EEFSEC: variants seen among roughly 807,000 people sequenced by gnomAD.
The protein encoded by EEFSEC is selenocysteine-specific elongation factor.
A neutral mutation model predicts 42.1 loss-of-function variants in EEFSEC; 43 were observed. The observed-to-expected ratio is 1.02, with a 90% confidence interval of 0.80 to 1.32. EEFSEC has a LOEUF of 1.32. Ranked by LOEUF, EEFSEC falls within the 40% of genes most tolerant of loss-of-function variation. The pLI is 0.00. For synonymous variants in EEFSEC, 354 were observed against 339.1 expected (o/e 1.04, Z -0.48); for missense variants, 745 against 803.6 (o/e 0.93, Z 0.88).
chr3:128,244,471 CTTTTT>C (rs34606977), intron 1 of EEFSEC, among the ~76,000 whole-genome samples: 1 of 134,514 alleles, frequency 7.4e-6, no homozygotes, highest in African/African-American at 2.8e-5. Flanking sequence ...ATTGGGGAGT[CTTTTT>C]TTTTTTTTTT....
At chr3:128,261,060 G>T (rs931678662) in intron 2 of EEFSEC, among the ~76,000 whole-genome samples, 1 of 152,132 alleles carries the variant, frequency 6.6e-6, no homozygotes, top group African/African-American at 2.4e-5. Flanking sequence ...ATAAGTAATG[G>T]AGGAAAGCAT....
intron 5 of EEFSEC, 130 bp downstream of exon 5, chr3:128,342,019 C>T: frequency 3.1e-6 from 4 of 1,275,136 alleles, no homozygotes; most frequent in Non-Finnish European, 4.2e-6. Context: ...TCTGTAGTTT[C>T]TGTACAAGGC....
intron 6 of EEFSEC, among the ~76,000 whole-genome samples, chr3:128,399,117 A>C (rs1180244975): frequency 1.4e-5 from 2 of 145,750 alleles, no homozygotes; most frequent in Non-Finnish European, 3.0e-5. Flanking sequence ...ATAAAAAAAA[A>C]CCCTTCCATC....
At chr3:128,369,405 C>G (rs1427887456) in intron 6 of EEFSEC, among the ~76,000 whole-genome samples, 1 of 152,242 alleles carries the variant, frequency 6.6e-6, no homozygotes, top group Admixed American at 6.5e-5. Flanking sequence ...CTCCAACCAT[C>G]CAGCTGCTCT....
chr3:128,247,129 G>C, intron 2 of EEFSEC, 86 bp downstream of exon 2: 1 of 1,414,254 alleles, frequency 7.1e-7, no homozygotes, highest in Non-Finnish European at 9.8e-7. Context: ...GAATTGGACA[G>C]GCAGGTGTCA....
Position 128,233,952 on chromosome 3 carries a change from G to A in EEFSEC, c.317-12884G>A, listed in dbSNP as rs74656524. Among the ~76,000 whole-genome samples the A allele has an allele frequency of 7.0e-3, 1,059 of 152,212 alleles. 13 individuals are homozygous for A. Among genetic ancestry groups the A allele is most frequent in the African/African-American group, 0.023 (973 of 41,522 alleles). On this transcript the variant is annotated intron_variant, in intron 1 of 6. Transcript: ENST00000254730. ...AAGATTAATTGAAATAATGTGCCTG[G>A]TGCATTCTTAAGCATGCAATATGTG... is the stretch of plus-strand genomic sequence containing the variant.
intron 5 of EEFSEC, among the ~76,000 whole-genome samples, chr3:128,357,526 G>A (rs948356669): frequency 6.6e-6 from 1 of 152,238 alleles, no homozygotes. Flanking sequence ...AGGTAGGGCT[G>A]TGGAGGAAAA....
rs545918766 is a variant in EEFSEC, at chr3:128,170,633, A to G, written c.316+16810A>G. Among the ~76,000 whole-genome samples, 12 of 152,332 alleles carry G rather than the reference A, an allele frequency of 7.9e-5. No individual in the cohort carries two copies. The East Asian group carries it at 2.3e-3, about 29-fold the overall frequency. ...TCTCAGAAAGAAGGGCATGTTGCCA[A>G]CTTTTGAGGATTTGTCTGAGAAACA... On this transcript the variant is annotated intron_variant, in intron 1 of 6. Transcript: ENST00000254730.
chr3:128,411,291 G>A (rs1027168044), downstream of EEFSEC, among the ~76,000 whole-genome samples: 1 of 152,198 alleles, frequency 6.6e-6, no homozygotes, highest in Non-Finnish European at 1.5e-5. Flanking sequence ...GGGTTCCAGT[G>A]GGCCAAGCTC....
intron 4 of EEFSEC, among the ~76,000 whole-genome samples, chr3:128,278,234 C>A (rs2107960675): frequency 6.6e-6 from 1 of 152,280 alleles, no homozygotes; most frequent in East Asian, 1.9e-4. Context: ...ATAGTCCAGG[C>A]AGATTGAGGT....
chr3:128,153,798 C>T lies in EEFSEC; in HGVS notation c.291C>T (p.Ala97=). ...CGCTGGTCGACTGCCCCGGGCACGC[C>T]TCCCTCATCCGGACCATCATCGGCG... ...QVTLVDCPGH[A]SLIRTIIGGA... The change falls in exon 1 of 7, where the codon GCC becomes GCT. Residue 97 remains alanine, a synonymous_variant. Coordinates refer to ENST00000254730, the MANE Select transcript of EEFSEC (RefSeq NM_021937.5). The T allele has an allele frequency of 6.6e-7, 1 of 1,522,518 alleles. No homozygotes were observed. The highest frequency in any genetic ancestry group is 8.8e-7 in the Non-Finnish European group (1 of 1,141,162). The allele number at this position is 1,522,518 out of a possible 1,614,324, so 94.3% of individuals were successfully genotyped here.
intron 4 of EEFSEC, among the ~76,000 whole-genome samples, chr3:128,328,299 G>A (rs1228935353): frequency 6.6e-6 from 1 of 152,166 alleles, no homozygotes; most frequent in Middle Eastern, 3.2e-3. Flanking sequence ...GGGTGATTCT[G>A]GCTCTAAACA....
In EEFSEC at chr3:128,181,562, G is replaced by T. The variant is rs368462155; in HGVS notation, c.316+27739G>T. Among the ~76,000 whole-genome samples the T allele has an allele frequency of 6.6e-5, 10 of 152,358 alleles. No individual in the cohort carries two copies. The South Asian group carries it at 1.0e-3, about 16-fold the overall frequency. ...TGGAAGTAGAACTTGGCGTTGGCTA[G>T]TGGAGACGGCGATAAGGAGTTTTGA... On this transcript the variant is annotated intron_variant, in intron 1 of 6. Coordinates refer to ENST00000254730, the MANE Select transcript of EEFSEC (RefSeq NM_021937.5).
chr3:128,272,292 G>A (rs765383898), intron 4 of EEFSEC, among the ~76,000 whole-genome samples: 3 of 152,184 alleles, frequency 2.0e-5, no homozygotes, highest in East Asian at 1.9e-4. Context: ...CCCTGGCAGC[G>A]GCTTGTTACC....
intron 1 of EEFSEC, among the ~76,000 whole-genome samples, chr3:128,245,960 C>T (rs1321076224): frequency 1.3e-5 from 2 of 152,142 alleles, no homozygotes; most frequent in Non-Finnish European, 2.9e-5. Context: ...AGAAATGCTT[C>T]ATGGGCATTC....
At chr3:128,249,272 A>C (rs754722066) in intron 2 of EEFSEC, among the ~76,000 whole-genome samples, 46 of 152,384 alleles carry the variant, frequency 3.0e-4, no homozygotes, top group Admixed American at 9.1e-4. Context: ...CTTGGAAAAT[A>C]GAGAAAAGTA....
intron 4 of EEFSEC, among the ~76,000 whole-genome samples, chr3:128,283,663 C>A (rs573625561): frequency 6.6e-6 from 1 of 152,276 alleles, no homozygotes; most frequent in South Asian, 2.1e-4. Flanking sequence ...CAAGTGTCAC[C>A]GTTAATGTCC....
At chr3:128,209,199 A>G (rs182815214) in intron 1 of EEFSEC, among the ~76,000 whole-genome samples, 151 of 152,296 alleles carry the variant, frequency 9.9e-4, no homozygotes, top group African/African-American at 3.4e-3. Context: ...CCCTTAAAGA[A>G]CTTCTCAGAG....
At chr3:128,396,311 C>A (rs1485338263) in intron 6 of EEFSEC, among the ~76,000 whole-genome samples, 1 of 152,172 alleles carries the variant, frequency 6.6e-6, no homozygotes, top group African/African-American at 2.4e-5. Flanking sequence ...TGGGCTTCTC[C>A]AGCTACTGGC....
Sources: gnomAD v4.1 joint callset for allele counts (sites outside exome capture counted in the v4.1 genomes callset) on GRCh38, gnomAD v4.1.1 for gene constraint, MANE v1.5 for transcripts, NCBI Gene and HGNC (gene_info 2026-07-23, HGNC 2026-07-21) for gene names.